SLC1A2: variants seen among roughly 807,000 people sequenced by gnomAD.
SLC1A2 encodes the protein excitatory amino acid transporter 2.
SLC1A2 carries 15 observed loss-of-function variants against 48.8 expected under a neutral mutation model. The ratio of observed to expected loss-of-function variants is 0.31; its 90% CI spans 0.21 to 0.47. The LOEUF (loss-of-function observed/expected upper bound fraction) is 0.47, where lower values mean the gene tolerates loss of function less well. SLC1A2 is among the 20% of genes least tolerant of loss of function. SLC1A2 has a pLI of 0.99. For missense variants in SLC1A2, 502 were observed against 730.5 expected (o/e 0.69, Z 3.61); for synonymous variants, 279 against 272.6 (o/e 1.02, Z -0.23).
intron 1 of SLC1A2, among the ~76,000 whole-genome samples, chr11:35,363,903 C>T (rs1318309055): frequency 6.6e-6 from 1 of 152,156 alleles, no homozygotes; most frequent in Non-Finnish European, 1.5e-5. Flanking sequence ...GTGTACAAGG[C>T]AGGCTAGGTC....
chr11:35,289,301 A>T (rs1311229572), intron 7 of SLC1A2, among the ~76,000 whole-genome samples: 4 of 147,870 alleles, frequency 2.7e-5, no homozygotes, highest in African/African-American at 7.5e-5. Context: ...TGGGTTTTAC[A>T]TTTTTTTTTT....
Position 35,379,417 on chromosome 11 carries a change from C to CT in SLC1A2, c.17+39532dup, listed in dbSNP as rs564536247. ...ATGCAATTTCAATAGGCAATACAGA[C>CT]TTTTTTTTAAGCCAGACATAAAATC... On this transcript the variant is annotated intron_variant, in intron 1 of 10. Coordinates refer to ENST00000278379, the MANE Select transcript of SLC1A2 (RefSeq NM_004171.4). Among the ~76,000 whole-genome samples the CT allele has an allele frequency of 1.2e-4, 18 of 152,228 alleles. No individual in the cohort carries two copies. The East Asian group carries it at 2.7e-3, about 23-fold the overall frequency.
At chr11:35,313,943 C>T (rs865835813) in intron 3 of SLC1A2, among the ~76,000 whole-genome samples, 2 of 152,176 alleles carry the variant, frequency 1.3e-5, no homozygotes, top group Admixed American at 1.3e-4. Flanking sequence ...TCCAGGGGAA[C>T]AACTTCTCCA....
Position 35,291,907 on chromosome 11 carries a change from G to A in SLC1A2, c.1091+380C>T, listed in dbSNP as rs80349878. 4.6e-3 allele frequency: 845 copies of A among 185,148 alleles called. 7 individuals carry two copies. Among genetic ancestry groups the A allele is most frequent in the East Asian group, 0.014 (97 of 6,956 alleles). 11.5% of individuals were successfully genotyped at this position (185,148 alleles called of 1,614,324 possible). A position where few individuals can be genotyped will look rare whatever the true frequency, so the allele number is the denominator to read the frequency against. On this transcript the variant is annotated intron_variant, in intron 7 of 10. Coordinates refer to ENST00000278379, the MANE Select transcript of SLC1A2 (RefSeq NM_004171.4). Reference sequence around the variant, plus strand: ...CAAAATCTTCAAAGAGTAATATTTTGTGATAGCATTTTCCAAATCACAGGT... The same window carrying A: ...CAAAATCTTCAAAGAGTAATATTTTATGATAGCATTTTCCAAATCACAGGT...
chr11:35,385,316 T>C (rs1263404113), intron 1 of SLC1A2, among the ~76,000 whole-genome samples: 1 of 152,208 alleles, frequency 6.6e-6, no homozygotes, highest in African/African-American at 2.4e-5. Context: ...ACATATCAGA[T>C]GGTTTTTCCA....
intron 1 of SLC1A2, chr11:35,360,080 G>T: frequency 1.0e-6 from 1 of 985,206 alleles, no homozygotes; most frequent in Non-Finnish European, 1.2e-6. Context: ...TGCTGGTCAC[G>T]TAGTGCTGGA....
intron 1 of SLC1A2, among the ~76,000 whole-genome samples, chr11:35,393,882 C>T (rs995597310): frequency 5.3e-5 from 8 of 152,148 alleles, no homozygotes; most frequent in African/African-American, 1.9e-4. Context: ...TCACTCTGGG[C>T]TTCTTTCACC....
intron 1 of SLC1A2, among the ~76,000 whole-genome samples, chr11:35,371,875 A>T (rs1386484657): frequency 6.6e-6 from 1 of 152,228 alleles, no homozygotes; most frequent in Non-Finnish European, 1.5e-5. Context: ...ATTCTACCTG[A>T]TCTTGAAATT....
At chr11:35,333,249 C>T (rs1389380132) in intron 1 of SLC1A2, among the ~76,000 whole-genome samples, 1 of 151,722 alleles carries the variant, frequency 6.6e-6, no homozygotes, top group Non-Finnish European at 1.5e-5. Flanking sequence ...CCCATCTCTA[C>T]TAAAAAAAAA....
chr11:35,415,294 G>A (rs190866618), intron 1 of SLC1A2, among the ~76,000 whole-genome samples: 78 of 152,290 alleles, frequency 5.1e-4, no homozygotes, highest in South Asian at 2.1e-4. Flanking sequence ...TTAATAACAT[G>A]GAGTTTCTGC....
chr11:35,385,555 G>A (rs999729469), intron 1 of SLC1A2, among the ~76,000 whole-genome samples: 7 of 152,148 alleles, frequency 4.6e-5, no homozygotes, highest in African/African-American at 9.7e-5. Flanking sequence ...ACCTTACAGC[G>A]ACATGGTTTG....
At chr11:35,401,628 G>A (rs958795682) in intron 1 of SLC1A2, among the ~76,000 whole-genome samples, 7 of 151,772 alleles carry the variant, frequency 4.6e-5, no homozygotes, top group African/African-American at 1.5e-4. Flanking sequence ...TTTTATTTTT[G>A]GTTTACACGT....
intron 1 of SLC1A2, among the ~76,000 whole-genome samples, chr11:35,415,194 C>T (rs528878288): frequency 6.6e-6 from 1 of 152,236 alleles, no homozygotes; most frequent in South Asian, 2.1e-4. Context: ...AAAGCCAAAG[C>T]CAAAGGAGAC....
intron 9 of SLC1A2, among the ~76,000 whole-genome samples, chr11:35,274,092 AT>A (rs1347408828): frequency 9.9e-5 from 15 of 152,234 alleles, no homozygotes; most frequent in Non-Finnish European, 1.5e-4. Flanking sequence ...GATGCCTAAC[AT>A]TACATTTTTA....
Position 35,252,769 on chromosome 11 carries a change from A to G in SLC1A2, c.*8125T>C, listed in dbSNP as rs1591389128. The G allele has an allele frequency of 1.3e-5, 2 of 152,670 alleles. No homozygotes were observed. The highest frequency in any genetic ancestry group is 2.1e-4 in the South Asian group (1 of 4,836). 9.5% of individuals were successfully genotyped at this position (152,670 alleles called of 1,614,324 possible). ...CAAAAATAACATATACATTTAAATT[A>G]CAATACATCTATACACCATTTCACT... is the stretch of plus-strand genomic sequence containing the variant. On this transcript the variant is annotated 3_prime_UTR_variant, in exon 11 of 11. Transcript: ENST00000278379.
chr11:35,311,903 A>AGAGAGAGAGAGAGAGAGG (rs1851709622), intron 4 of SLC1A2, among the ~76,000 whole-genome samples: 1 of 14,322 alleles, frequency 7.0e-5, no homozygotes, highest in Non-Finnish European at 1.8e-4. Context: ...GGAGGGAGAG[A>AGAGAGAGAGAGAGAGAGG]GAGAGAGAGA....
intron 1 of SLC1A2, chr11:35,322,750 G>C (rs1591472708): frequency 4.6e-6 from 4 of 876,526 alleles, no homozygotes; most frequent in Non-Finnish European, 7.4e-6. Context: ...ATTTGGATAA[G>C]AATGCTGGAA....
At chr11:35,328,197 A>T (rs1346125196) in intron 1 of SLC1A2, among the ~76,000 whole-genome samples, 1 of 152,172 alleles carries the variant, frequency 6.6e-6, no homozygotes, top group Non-Finnish European at 1.5e-5. Context: ...ACGAGGGCAC[A>T]CAGGAACCAT....
In SLC1A2 at chr11:35,419,167, C is replaced by T; in HGVS notation, c.-201G>A. On this transcript the variant is annotated 5_prime_UTR_variant, in exon 1 of 11. Transcript: ENST00000278379. This position sits in a 1 kb window ranked among gnomAD's most constrained non-coding sequence, Gnocchi z 5.4. ...CTCCTGCGGGCGCTAATCCGCGTCC[C>T]GGCTCTCCACGGCGCGCGACCCGCG... 1 of 465,838 alleles carries T rather than the reference C, an allele frequency of 2.1e-6. No individual in the cohort carries two copies. The highest frequency in any genetic ancestry group is 3.8e-6 in the Non-Finnish European group (1 of 263,876). The allele number at this position is 465,838 out of a possible 1,614,324, so 28.9% of individuals were successfully genotyped here. A position where few individuals can be genotyped will look rare whatever the true frequency, so the allele number is the denominator to read the frequency against.
Sources: allele counts gnomAD v4.1 joint callset (sites outside exome capture counted in the v4.1 genomes callset), GRCh38; gene constraint gnomAD v4.1.1; non-coding constraint Gnocchi (gnomAD v3.1); transcripts MANE v1.5; gene names NCBI Gene and HGNC (gene_info 2026-07-23, HGNC 2026-07-21).